The following TRMU variants were observed in gnomAD, a reference collection of about 807,000 sequenced individuals.
TRMU encodes the protein tRNA mitochondrial 2-thiouridylase, also known as mitochondrial tRNA-specific 2-thiouridylase 1.
Under a neutral mutation model 46.9 loss-of-function variants are expected in TRMU, and 49 were observed. The observed-to-expected ratio is 1.05, with a 90% CI of 0.83 to 1.33. The LOEUF (loss-of-function observed/expected upper bound fraction) is 1.33, where lower values mean the gene tolerates loss of function less well. TRMU is among the 40% of genes most tolerant of loss of function. TRMU has a pLI of 0.00. For missense variants in TRMU, 572 were observed against 532.4 expected (o/e 1.07, Z -0.73); for synonymous variants, 241 against 200.9 (o/e 1.20, Z -1.69).
At chr22:46,356,369 T>C in intron 10 of TRMU, 2 of 481,344 alleles carry the variant, frequency 4.2e-6, no homozygotes, top group Non-Finnish European at 7.7e-6. Flanking sequence ...ATGAGGACAG[T>C]GCTCAAAGAG....
intron 1 of TRMU, 114 bp downstream of exon 1, chr22:46,335,960 C>G (rs1236973834): frequency 6.7e-7 from 1 of 1,484,162 alleles, no homozygotes; most frequent in Non-Finnish European, 8.9e-7. Flanking sequence ...TGGTTGCGCG[C>G]GGGTCGGCAG....
rs1328465749 is a variant in TRMU at position 46,339,683 on chromosome 22, A to G, written c.248+1739A>G. 6.6e-6 allele frequency among the ~76,000 whole-genome samples: 1 copy of G among 152,196 alleles called. No homozygotes were observed. ...CCAAAAAACCATTGAAATAACAATA[A>G]AACGAAATTTAGAGAGATTAAGTAA... On this transcript the variant is annotated intron_variant, in intron 2 of 10. Coordinates refer to ENST00000645190, the MANE Select transcript of TRMU (RefSeq NM_018006.5). The surrounding 1 kb of genome is among the most constrained non-coding windows in gnomAD (Gnocchi z 4.8).
chr22:46,343,172 A>T (rs1368637359), intron 2 of TRMU, 90 bp from the exon 3 acceptor site: 1 of 880,806 alleles, frequency 1.1e-6, no homozygotes, highest in East Asian at 2.5e-5. Flanking sequence ...ACAAGGGGAA[A>T]TTACATTAAA....
chr22:46,344,765 G>A (rs1249582139), intron 3 of TRMU, among the ~76,000 whole-genome samples: 1 of 152,216 alleles, frequency 6.6e-6, no homozygotes, highest in Non-Finnish European at 1.5e-5. Context: ...TGAACTCACC[G>A]CGCTTCTCAG....
intron 7 of TRMU, chr22:46,353,365 G>A (rs550328672): frequency 6.9e-5 from 20 of 288,902 alleles, no homozygotes; most frequent in Non-Finnish European, 1.1e-4. Context: ...GCAGCTGGGG[G>A]TAGCCCTGAT....
chr22:46,338,648 A>G lies in TRMU; in HGVS notation c.248+704A>G, dbSNP rs751616168. On this transcript the variant is annotated intron_variant, in intron 2 of 10. Coordinates refer to ENST00000645190, the MANE Select transcript of TRMU (RefSeq NM_018006.5). The surrounding 1 kb of genome is among the most constrained non-coding windows in gnomAD (Gnocchi z 4.5). ...AGGGGTTGCAAACAAAGTTGTAGAGAAGGGACTCCAAATGGGGTAACGAGA... is the reference window on the plus strand; with the variant it reads ...AGGGGTTGCAAACAAAGTTGTAGAGGAGGGACTCCAAATGGGGTAACGAGA... 2.0e-5 allele frequency among the ~76,000 whole-genome samples: 3 copies of G among 152,242 alleles called. No homozygotes were observed. Among genetic ancestry groups the G allele is most frequent in the Admixed American group, 1.3e-4 (2 of 15,288 alleles).
Position 46,357,176 on chromosome 22 carries a change from C to T in TRMU, c.*170C>T, listed in dbSNP as rs1342342942. 3 of 863,742 alleles carry T rather than the reference C, an allele frequency of 3.5e-6. No homozygotes were observed. The highest frequency in any genetic ancestry group is 4.5e-5 in the Admixed American group (2 of 44,750). 53.5% of individuals were successfully genotyped at this position (863,742 alleles called of 1,614,324 possible). A position where few individuals can be genotyped will look rare whatever the true frequency, so the allele number is the denominator to read the frequency against. ...GCCCGGCGAGCCCCAGGAAGAGCCT[C>T]AGCTCCAGGCTGGGGCTCTGGCTGC... On this transcript the variant is annotated 3_prime_UTR_variant, in exon 11 of 11. Transcript: ENST00000645190.
Position 46,352,298 on chromosome 22 carries a change from T to C in TRMU, c.740T>C (p.Ile247Thr), listed in dbSNP as rs1569082148. Reference sequence around the variant, plus strand: ...CCTCGACCTGGTCACTTTATTTCCATAGAAGACAATAAGGTTCTGGGAACA... The same window carrying C: ...CCTCGACCTGGTCACTTTATTTCCACAGAAGACAATAAGGTTCTGGGAACA... ...LQPRPGHFISIEDNKVLGTHK... is the reference protein window; with the variant it reads ...LQPRPGHFISTEDNKVLGTHK... Residue 247 changes from isoleucine to threonine, a missense_variant, in exon 7 of 11, where the codon ATA becomes ACA. Physicochemically the swap from Ile to Thr is moderately conservative, Grantham distance 89. Coordinates refer to ENST00000645190, the MANE Select transcript of TRMU (RefSeq NM_018006.5). The C allele has an allele frequency of 6.2e-7, 1 of 1,614,080 alleles. No homozygotes were observed. Among genetic ancestry groups the C allele is most frequent in the Non-Finnish European group, 8.5e-7 (1 of 1,180,020 alleles).
rs946034594 is a variant in TRMU at position 46,349,080 on chromosome 22, C to T, written c.479-1211C>T. Among the ~76,000 whole-genome samples the T allele has an allele frequency of 2.6e-5, 4 of 151,298 alleles. No homozygotes were observed. The highest frequency in any genetic ancestry group is 2.1e-4 in the South Asian group (1 of 4,806). On this transcript the variant is annotated intron_variant, in intron 4 of 10. Transcript: ENST00000645190. This position sits in a 1 kb window ranked among gnomAD's most constrained non-coding sequence, Gnocchi z 4.6. The stretch of plus-strand genomic sequence containing the variant: ...CTTGAACCCAGGAGGCGGAGATTGC[C>T]GTGAGCCGAGATGTGCCACTGCACT...
At chr22:46,341,765 C>G (rs924886010) in intron 2 of TRMU, among the ~76,000 whole-genome samples, 1 of 152,126 alleles carries the variant, frequency 6.6e-6, no homozygotes, top group Non-Finnish European at 1.5e-5. Flanking sequence ...TTCAGTCAGT[C>G]TGTTAGAGCA....
At chr22:46,356,584 G>A in intron 10 of TRMU, 1 of 549,080 alleles carries the variant, frequency 1.8e-6, no homozygotes, top group Non-Finnish European at 3.3e-6. Context: ...CCAGTCCCTT[G>A]GAGTCCCAGG....
chr22:46,341,739 G>T (rs141932970), intron 2 of TRMU, among the ~76,000 whole-genome samples: 66 of 152,296 alleles, frequency 4.3e-4, no homozygotes, highest in African/African-American at 1.5e-3. Flanking sequence ...TGGTATCATG[G>T]CATCTTTTTC....
Position 46,342,148 on chromosome 22 carries a change from C to T in TRMU, c.249-1114C>T, listed in dbSNP as rs1017993903. Among the ~76,000 whole-genome samples the T allele has an allele frequency of 2.0e-5, 3 of 152,186 alleles. No homozygotes were observed. The highest frequency in any genetic ancestry group is 6.5e-5 in the Admixed American group (1 of 15,284). Reference sequence around the variant, plus strand: ...GGGGGTTCAGTCCCCCAGACGGACTCCCCCCACAACAGCAGTCGAAAGTAT... The same window carrying T: ...GGGGGTTCAGTCCCCCAGACGGACTTCCCCCACAACAGCAGTCGAAAGTAT... On this transcript the variant is annotated intron_variant, in intron 2 of 10. Coordinates refer to ENST00000645190, the MANE Select transcript of TRMU (RefSeq NM_018006.5). This position sits in a 1 kb window ranked among gnomAD's most constrained non-coding sequence, Gnocchi z 4.7.
Position 46,356,088 on chromosome 22 carries a change from GGGTGA to G in TRMU, c.1101+18_1101+22del. 6.2e-7 allele frequency: 1 copy of G among 1,613,666 alleles called. No homozygotes were observed. The highest frequency in any genetic ancestry group is 1.1e-5 in the South Asian group (1 of 91,064). ...CACAGGACAGGTGCGTGGGGTGTGG[GGGTGA>G]GCCCGGGGAGGACTGTACTGCTCTG... On this transcript the variant is annotated intron_variant, in intron 10 of 10. Coordinates refer to ENST00000645190, the MANE Select transcript of TRMU (RefSeq NM_018006.5).
At position 46,352,299 on chromosome 22, in the gene TRMU, A is replaced by G. The variant is rs376790680; in HGVS notation, c.741A>G (p.Ile247Met). ...LQPRPGHFIS[I>M]EDNKVLGTHK... ...CTCGACCTGGTCACTTTATTTCCATAGAAGACAATAAGGTTCTGGGAACAC... is the reference window on the plus strand; with the variant it reads ...CTCGACCTGGTCACTTTATTTCCATGGAAGACAATAAGGTTCTGGGAACAC... The change falls in exon 7 of 11, where the codon ATA (isoleucine) becomes ATG (methionine). Residue 247 changes from isoleucine to methionine, a missense_variant. Physicochemically the swap from Ile to Met is conservative, Grantham distance 10. Coordinates refer to ENST00000645190, the MANE Select transcript of TRMU (RefSeq NM_018006.5). The G allele has an allele frequency of 6.2e-7, 1 of 1,613,928 alleles. No individual in the cohort carries two copies. The highest frequency in any genetic ancestry group is 8.5e-7 in the Non-Finnish European group (1 of 1,180,030).
Position 46,349,211 on chromosome 22 carries a change from C to T in TRMU, c.479-1080C>T, listed in dbSNP as rs1009046539. Among the ~76,000 whole-genome samples the T allele has an allele frequency of 6.6e-6, 1 of 151,960 alleles. No individual in the cohort carries two copies. Among genetic ancestry groups the T allele is most frequent in the Non-Finnish European group, 1.5e-5 (1 of 68,012 alleles). ...GACTGGTCGGCTGAACTTGGTCTCA[C>T]TTGTCACTCAGTTCTGCTGTTTGTA... On this transcript the variant is annotated intron_variant, in intron 4 of 10. Coordinates refer to ENST00000645190, the MANE Select transcript of TRMU (RefSeq NM_018006.5). The surrounding 1 kb of genome is among the most constrained non-coding windows in gnomAD (Gnocchi z 4.6).
chr22:46,343,157 G>A, intron 2 of TRMU, 105 bp from the exon 3 acceptor site: 1 of 805,820 alleles, frequency 1.2e-6, no homozygotes, highest in Non-Finnish European at 2.0e-6. Context: ...TATAGTTTTG[G>A]TATGACAAGG....
rs543179126 is a variant in TRMU, at chr22:46,355,812, C to G, written c.1019-178C>G. The G allele has an allele frequency of 3.0e-6, 3 of 990,308 alleles. No homozygotes were observed. The South Asian group carries it at 4.3e-5, about 14-fold the overall frequency. The allele number at this position is 990,308 out of a possible 1,614,324, so 61.3% of individuals were successfully genotyped here. On this transcript the variant is annotated intron_variant, in intron 9 of 10. Transcript: ENST00000645190. Reference sequence around the variant, plus strand: ...CAGGCCCCGGCGTGTTGGGCTGAAGCAAGTGTGTACACTGCCCCGCAGTGT... The same window carrying G: ...CAGGCCCCGGCGTGTTGGGCTGAAGGAAGTGTGTACACTGCCCCGCAGTGT...
In TRMU at chr22:46,349,271, G is replaced by A. The variant is rs543800355; in HGVS notation, c.479-1020G>A. 3.3e-4 allele frequency among the ~76,000 whole-genome samples: 51 copies of A among 152,282 alleles called. No individual in the cohort carries two copies. The highest frequency in any genetic ancestry group is 1.0e-3 in the African/African-American group (42 of 41,562). On this transcript the variant is annotated intron_variant, in intron 4 of 10. Coordinates refer to ENST00000645190, the MANE Select transcript of TRMU (RefSeq NM_018006.5). The surrounding 1 kb of genome is among the most constrained non-coding windows in gnomAD (Gnocchi z 4.6). ...TAAGGGAGGGGGACTCGGGAGGCTG[G>A]GCAGCCTCCAGCCCCACCGCCTCCA... is the stretch of plus-strand genomic sequence containing the variant.
Sources: gnomAD v4.1 joint callset for allele counts (sites outside exome capture counted in the v4.1 genomes callset) on GRCh38, gnomAD v4.1.1 for gene constraint, Gnocchi (gnomAD v3.1) non-coding constraint, MANE v1.5 for transcripts, NCBI Gene and HGNC (gene_info 2026-07-23, HGNC 2026-07-21) for gene names.